Variants in GRID2 observed in about 807,000 individuals in gnomAD.
The protein encoded by GRID2 is glutamate ionotropic receptor delta type subunit 2, also known as glutamate receptor ionotropic, delta-2.
In GRID2, 33 loss-of-function variants were observed where a neutral mutation model predicts 114.8. That is an observed-to-expected ratio of 0.29 (90% CI 0.22 to 0.38). The LOEUF (loss-of-function observed/expected upper bound fraction) is 0.38. Among genes scored for constraint, GRID2 ranks in the 10% least tolerant of loss-of-function variants. The probability of loss-of-function intolerance (pLI) is 1.00; values close to 1 mark genes in which losing one functional copy is unlikely to be tolerated. For missense variants in GRID2, 1,184 were observed against 1,257.7 expected (o/e 0.94, Z 0.89); for synonymous variants, 505 against 449.9 (o/e 1.12, Z -1.55).
intron 11 of GRID2, among the ~76,000 whole-genome samples, chr4:93,465,358 T>C (rs1724165737): frequency 6.6e-6 from 1 of 152,248 alleles, no homozygotes; most frequent in Non-Finnish European, 1.5e-5. Flanking sequence ...TTTTCTTTTA[T>C]CTATAAAAAT....
At chr4:92,791,300 A>C (rs550697831) in intron 2 of GRID2, among the ~76,000 whole-genome samples, 1 of 151,810 alleles carries the variant, frequency 6.6e-6, no homozygotes, top group Admixed American at 6.6e-5. Context: ...CAAACAACTC[A>C]AGTTGTCAAA....
chr4:92,731,985 G>T (rs758350468), intron 2 of GRID2, among the ~76,000 whole-genome samples: 2 of 151,548 alleles, frequency 1.3e-5, no homozygotes, highest in Non-Finnish European at 3.0e-5. Context: ...AAATTCTTAG[G>T]GTATGTAGTC....
intron 2 of GRID2, among the ~76,000 whole-genome samples, chr4:92,628,374 T>TTGTTC (rs1473989644): frequency 6.6e-6 from 1 of 152,056 alleles, no homozygotes; most frequent in Non-Finnish European, 1.5e-5. Context: ...TTGTTTTGTT[T>TTGTTC]TGTTCTGTTC....
intron 2 of GRID2, among the ~76,000 whole-genome samples, chr4:92,931,336 T>C (rs926944025): frequency 6.0e-5 from 9 of 150,986 alleles, no homozygotes; most frequent in African/African-American, 2.2e-4. Flanking sequence ...CACACTTTTC[T>C]GAAGGGCATT....
intron 2 of GRID2, among the ~76,000 whole-genome samples, chr4:92,653,290 C>T (rs897592078): frequency 2.7e-5 from 4 of 147,792 alleles, no homozygotes; most frequent in African/African-American, 5.0e-5. Context: ...TGAGCCATCG[C>T]GCCTGGCCAA....
chr4:92,673,040 C>T (rs1019541012), intron 2 of GRID2, among the ~76,000 whole-genome samples: 2 of 152,122 alleles, frequency 1.3e-5, no homozygotes, highest in African/African-American at 4.8e-5. Flanking sequence ...TACATTTTAG[C>T]TCCCACAAAT....
At chr4:93,163,221 C>G (rs1737854018) in intron 4 of GRID2, among the ~76,000 whole-genome samples, 1 of 151,018 alleles carries the variant, frequency 6.6e-6, no homozygotes, top group African/African-American at 2.4e-5. Context: ...TTAACAGCCC[C>G]ACAATGTGAT....
chr4:93,463,946 G>A (rs945106547), intron 11 of GRID2, among the ~76,000 whole-genome samples: 26 of 152,024 alleles, frequency 1.7e-4, no homozygotes, highest in African/African-American at 6.0e-4. Context: ...CCGAGATTGT[G>A]CCACTGCACT....
At chr4:92,669,570 T>C (rs1345970130) in intron 2 of GRID2, among the ~76,000 whole-genome samples, 1 of 151,850 alleles carries the variant, frequency 6.6e-6, no homozygotes, top group Admixed American at 6.6e-5. Context: ...GGGGTGAATA[T>C]ATAGGACCAT....
intron 8 of GRID2, among the ~76,000 whole-genome samples, chr4:93,256,747 A>T (rs1463064034): frequency 6.6e-6 from 1 of 152,028 alleles, no homozygotes; most frequent in East Asian, 1.9e-4. Context: ...AATATAGACC[A>T]AATACATTCT....
At chr4:93,488,330 A>C (rs900668469) in intron 11 of GRID2, among the ~76,000 whole-genome samples, 1 of 151,972 alleles carries the variant, frequency 6.6e-6, no homozygotes, top group Non-Finnish European at 1.5e-5. Flanking sequence ...ATTGTAACTT[A>C]TTTTGAAAAA....
chr4:93,720,050 A>T (rs189313368), intron 14 of GRID2, among the ~76,000 whole-genome samples: 85 of 152,284 alleles, frequency 5.6e-4, no homozygotes, highest in African/African-American at 2.0e-3. Context: ...AACAAATCTC[A>T]TAGAAAAGAG....
At chr4:93,174,592 C>G (rs1403285342) in intron 4 of GRID2, among the ~76,000 whole-genome samples, 1 of 151,986 alleles carries the variant, frequency 6.6e-6, no homozygotes, top group African/African-American at 2.4e-5. Context: ...GAGTGGGGAC[C>G]TAATCTGATA....
intron 14 of GRID2, among the ~76,000 whole-genome samples, chr4:93,632,369 G>A (rs112423082): frequency 0.46 from 69,861 of 151,952 alleles, 16,724 homozygotes; most frequent in East Asian, 0.65. Context: ...TGAAGTCTTT[G>A]ATCCATCTTG....
intron 14 of GRID2, among the ~76,000 whole-genome samples, chr4:93,628,767 C>CT (rs377083909): frequency 0.24 from 32,644 of 136,818 alleles, 6,059 homozygotes; most frequent in African/African-American, 0.51. Flanking sequence ...GATTTTCTGG[C>CT]TTTTTTTTTT....
chr4:92,588,758 A>G (rs576131716), intron 1 of GRID2, among the ~76,000 whole-genome samples: 1 of 151,978 alleles, frequency 6.6e-6, no homozygotes, highest in Admixed American at 6.6e-5. Flanking sequence ...CAAAATATAT[A>G]GGAAACAAGG....
chr4:93,475,620 G>A (rs1024624989), intron 11 of GRID2, among the ~76,000 whole-genome samples: 3 of 152,042 alleles, frequency 2.0e-5, no homozygotes, highest in Admixed American at 1.3e-4. Flanking sequence ...ACATACTTAT[G>A]CATAAGGCCT....
chr4:92,647,394 G>C (rs1378004875), intron 2 of GRID2, among the ~76,000 whole-genome samples: 1 of 35,952 alleles, frequency 2.8e-5, no homozygotes, highest in East Asian at 6.6e-4. Context: ...ATGATACAGT[G>C]TGAAGTTCAG....
intron 13 of GRID2, among the ~76,000 whole-genome samples, chr4:93,540,328 A>C (rs1732538408): frequency 6.6e-6 from 1 of 151,942 alleles, no homozygotes. Context: ...TTCTCCATGC[A>C]TCGTCTGTTG....
Sources: allele counts gnomAD v4.1 joint callset (sites outside exome capture counted in the v4.1 genomes callset), GRCh38; gene constraint gnomAD v4.1.1; transcripts MANE v1.5; gene names NCBI Gene and HGNC (gene_info 2026-07-23, HGNC 2026-07-21).